Variants in ERCC2 observed in about 807,000 individuals in gnomAD.
The protein encoded by ERCC2 is ERCC excision repair 2, TFIIH core complex helicase subunit.
In ERCC2, 90 loss-of-function variants were observed where a neutral mutation model predicts 99.4. The ratio of observed to expected loss-of-function variants is 0.91; its 90% CI spans 0.76 to 1.08. The LOEUF (loss-of-function observed/expected upper bound fraction) is 1.08. ERCC2 is among the 50% of genes least tolerant of loss of function. The pLI is 0.00. For synonymous variants in ERCC2, 497 were observed against 432.4 expected, an observed-to-expected ratio of 1.15 and a Z score of -1.85; for missense variants, 993 against 1,038.1, an observed-to-expected ratio of 0.96 and a Z score of 0.60.
chr19:45,351,096 G>C lies in ERCC2; in HGVS notation c.*533C>G. Reference sequence around the variant, plus strand: ...GATGAGGCAAAGGCAGGGCGGTCGGGCCAGTGGTGGAGTCAGCAGGTGGTG... The same window carrying C: ...GATGAGGCAAAGGCAGGGCGGTCGGCCCAGTGGTGGAGTCAGCAGGTGGTG... On this transcript the variant is annotated 3_prime_UTR_variant, in exon 23 of 23. Transcript: ENST00000391945. 6.2e-7 allele frequency: 1 copy of C among 1,610,980 alleles called. No homozygotes were observed. Among genetic ancestry groups the C allele is most frequent in the Non-Finnish European group, 8.5e-7 (1 of 1,178,524 alleles).
rs749655759 is a variant in ERCC2 at position 45,352,911 on chromosome 19, G to C, written c.1832-95C>G. On this transcript the variant is annotated intron_variant, in intron 19 of 22. Coordinates refer to ENST00000391945, the MANE Select transcript of ERCC2 (RefSeq NM_000400.4). ...GACCCAGGATGCTGTGTCTGAGTTG[G>C]GGGGAGAGGGTGTGTTCCCGCCGGG... The C allele has an allele frequency of 2.1e-5, 27 of 1,311,908 alleles. No homozygotes were observed. The African/African-American group carries it at 3.0e-4, about 15-fold the overall frequency. The allele number at this position is 1,311,908 out of a possible 1,614,324, so 81.3% of individuals were successfully genotyped here.
At chr19:45,360,610 T>G (rs1472705502) in intron 12 of ERCC2, among the ~76,000 whole-genome samples, 1 of 151,824 alleles carries the variant, frequency 6.6e-6, no homozygotes, top group African/African-American at 2.4e-5. Context: ...ACTCCTGACC[T>G]CAAGTGATCT....
At chr19:45,366,903 T>TG (rs1400947285) in intron 5 of ERCC2, among the ~76,000 whole-genome samples, 2 of 151,940 alleles carry the variant, frequency 1.3e-5, no homozygotes, top group Non-Finnish European at 2.9e-5. Context: ...GGCGTGGTGG[T>TG]GGGTGCCTGT....
chr19:45,361,849 G>C (rs1300725708), intron 11 of ERCC2: 1 of 596,468 alleles, frequency 1.7e-6, no homozygotes, highest in South Asian at 1.7e-5. Flanking sequence ...TAATGGCACA[G>C]ACAGAGCAAT....
chr19:45,368,367 G>A (rs977426122), intron 5 of ERCC2, among the ~76,000 whole-genome samples: 1 of 152,170 alleles, frequency 6.6e-6, no homozygotes, highest in African/African-American at 2.4e-5. Flanking sequence ...AAGTTTCAGA[G>A]CCAGGAAACC....
At chr19:45,362,672 C>T (rs1011748991) in intron 11 of ERCC2, among the ~76,000 whole-genome samples, 14 of 152,262 alleles carry the variant, frequency 9.2e-5, no homozygotes, top group African/African-American at 2.9e-4. Context: ...GGAGCCTCTA[C>T]GGCTGTGTCC....
chr19:45,355,591 G>A (rs761398513), intron 16 of ERCC2, 74 bp downstream of exon 16: 8 of 1,285,406 alleles, frequency 6.2e-6, no homozygotes, highest in Non-Finnish European at 8.0e-6. Context: ...TGTTACAGCA[G>A]CATGACTCAG....
At chr19:45,356,178 C>T (rs1719458916) in intron 15 of ERCC2, among the ~76,000 whole-genome samples, 1 of 152,216 alleles carries the variant, frequency 6.6e-6, no homozygotes, top group Admixed American at 6.5e-5. Context: ...TCCCGAAGAA[C>T]ACCCCTCGCC....
At chr19:45,353,206 C>A (rs1279709242) in intron 18 of ERCC2, 36 bp downstream of exon 18, 1 of 1,612,364 alleles carries the variant, frequency 6.2e-7, no homozygotes, top group Non-Finnish European at 8.5e-7. Flanking sequence ...AGAGCCACCT[C>A]CCCGACCCCT....
In ERCC2 at chr19:45,351,043, TAG is replaced by T; in HGVS notation, c.*584_*585del. The T allele has an allele frequency of 6.2e-7, 1 of 1,613,678 alleles. No individual in the cohort carries two copies. The highest frequency in any genetic ancestry group is 1.1e-5 in the South Asian group (1 of 91,054). On this transcript the variant is annotated 3_prime_UTR_variant, in exon 23 of 23. Transcript: ENST00000391945. ...GTGAGGGGGACATCTGGGTCAAAAA[TAG>T]AGGAGGCCATGTGGGTAGGTGCAGA... is the stretch of plus-strand genomic sequence containing the variant.
rs1167976357 is a variant in ERCC2 at position 45,363,841 on chromosome 19, C to T, written c.1020G>A (p.Val340=). The T allele has an allele frequency of 6.5e-7, 1 of 1,548,306 alleles. No individual in the cohort carries two copies. The highest frequency in any genetic ancestry group is 1.9e-5 in the Admixed American group (1 of 52,670). ...LGFLRRLLEY[V]KWRLRVQHVV... The stretch of plus-strand genomic sequence containing the variant: ...CATGCTGCACACGCAGCCGCCACTT[C>T]ACGTACTCCAGCAGCCGCCTCAGGA... Residue 340 remains valine (V), a synonymous_variant, in exon 11 of 23, where the codon GTG becomes GTA. Transcript: ENST00000391945.
At chr19:45,367,900 C>T (rs1026217654) in intron 5 of ERCC2, among the ~76,000 whole-genome samples, 6 of 134,262 alleles carry the variant, frequency 4.5e-5, no homozygotes, top group Non-Finnish European at 9.7e-5. Context: ...ATGACAATTT[C>T]TTTTTTTTTT....
chr19:45,362,508 G>T (rs1335121378), intron 11 of ERCC2, among the ~76,000 whole-genome samples: 1 of 152,312 alleles, frequency 6.6e-6, no homozygotes, highest in African/African-American at 2.4e-5. Context: ...CCGAGGCAGG[G>T]TCATAGAGCA....
intron 12 of ERCC2, 21 bp from the exon 13 acceptor site, chr19:45,357,720 GGGGTGAGATTACC>G (rs778946087): frequency 8.7e-6 from 14 of 1,610,674 alleles, no homozygotes; most frequent in Non-Finnish European, 1.2e-5. Context: ...CAGGCAAGGA[GGGGTGAGATTACC>G]CCACTACAGC....
Position 45,350,068 on chromosome 19 carries a change from A to G in ERCC2, c.*1561T>C, listed in dbSNP as rs1469312915. 8.1e-6 allele frequency: 4 copies of G among 492,442 alleles called. No homozygotes were observed. Among genetic ancestry groups the G allele is most frequent in the Non-Finnish European group, 1.5e-5 (4 of 274,994 alleles). 30.5% of individuals were successfully genotyped at this position (492,442 alleles called of 1,614,324 possible). On this transcript the variant is annotated 3_prime_UTR_variant, in exon 23 of 23. Coordinates refer to ENST00000391945, the MANE Select transcript of ERCC2 (RefSeq NM_000400.4). ...AGGGCAGGAAGTAAGGCCGAGCTCC[A>G]AACCCACTCTGCCCCAGGGCAAGGC...
intron 11 of ERCC2, among the ~76,000 whole-genome samples, chr19:45,362,880 C>T (rs1461253283): frequency 2.0e-5 from 3 of 152,216 alleles, no homozygotes; most frequent in Non-Finnish European, 4.4e-5. Flanking sequence ...TGCTGTGTGG[C>T]TCTGGGCAAA....
At position 45,351,083 on chromosome 19, in the gene ERCC2, G is replaced by A. The variant is rs1971741555; in HGVS notation, c.*546C>T. On this transcript the variant is annotated 3_prime_UTR_variant, in exon 23 of 23. Transcript: ENST00000391945. ...GGGTAGGTGCAGAGATGAGGCAAAG[G>A]CAGGGCGGTCGGGCCAGTGGTGGAG... 6.2e-7 allele frequency: 1 copy of A among 1,612,978 alleles called. No individual in the cohort carries two copies. The highest frequency in any genetic ancestry group is 1.1e-5 in the South Asian group (1 of 90,992).
rs3916848 is a variant in ERCC2 at position 45,358,266 on chromosome 19, C to T, written c.1238-567G>A. 6.4e-4 allele frequency: 119 copies of T among 185,524 alleles called. 1 individual carries two copies. Among genetic ancestry groups the T allele is most frequent in the African/African-American group, 2.1e-3 (89 of 42,290 alleles). The allele number at this position is 185,524 out of a possible 1,614,324, so 11.5% of individuals were successfully genotyped here. Reference sequence around the variant, plus strand: ...GATGGGGGACCTGCAGTGGTCCACCCGCCTCAGGCTCCCAAAGTGCCAGGA... The same window carrying T: ...GATGGGGGACCTGCAGTGGTCCACCTGCCTCAGGCTCCCAAAGTGCCAGGA... On this transcript the variant is annotated intron_variant, in intron 12 of 22. Coordinates refer to ENST00000391945, the MANE Select transcript of ERCC2 (RefSeq NM_000400.4).
At position 45,357,713 on chromosome 19, in the gene ERCC2, G is replaced by A. The variant is rs1437920597; in HGVS notation, c.1238-14C>T. 6.2e-7 allele frequency: 1 copy of A among 1,612,456 alleles called. No homozygotes were observed. On this transcript the variant is annotated splice_polypyrimidine_tract_variant and intron_variant, in intron 12 of 22. Coordinates refer to ENST00000391945, the MANE Select transcript of ERCC2 (RefSeq NM_000400.4). ...TGATGGTGAAGCCTGCAGAGGGCAG[G>A]CAAGGAGGGGTGAGATTACCCCACT...
Sources: allele counts gnomAD v4.1 joint callset (sites outside exome capture counted in the v4.1 genomes callset), GRCh38; gene constraint gnomAD v4.1.1; transcripts MANE v1.5; gene names NCBI Gene and HGNC (gene_info 2026-07-23, HGNC 2026-07-21).